Variants in DPYD observed in about 807,000 individuals in gnomAD.
DPYD encodes dihydropyrimidine dehydrogenase, also known as dihydropyrimidine dehydrogenase [NADP(+)].
In DPYD, 109 loss-of-function variants were observed where a neutral mutation model predicts 116.2. The ratio of observed to expected loss-of-function variants is 0.94; its 90% CI spans 0.80 to 1.10. The LOEUF is 1.10. Ranked by LOEUF, DPYD falls within the 50% of genes least tolerant of loss-of-function variation. The pLI is 0.00. For missense variants in DPYD, 1,302 were observed against 1,254.5 expected (o/e 1.04, Z -0.57); for synonymous variants, 440 against 432.0 (o/e 1.02, Z -0.23).
chr1:97,804,469 G>A (rs1667989966), intron 3 of DPYD, among the ~76,000 whole-genome samples: 1 of 151,672 alleles, frequency 6.6e-6, no homozygotes, highest in African/African-American at 2.4e-5. Context: ...ATTTCATTAA[G>A]AAAAATAAAT....
intron 12 of DPYD, among the ~76,000 whole-genome samples, chr1:97,540,372 CAAAACAAAACAA>C (rs993362994): frequency 1.3e-4 from 16 of 118,972 alleles, no homozygotes; most frequent in Non-Finnish European, 2.6e-4. Context: ...CAAAACAAAA[CAAAACAAAACAA>C]AACAAAACAA....
chr1:97,730,878 G>C (rs186837968), intron 4 of DPYD, among the ~76,000 whole-genome samples: 4 of 151,240 alleles, frequency 2.6e-5, no homozygotes, highest in African/African-American at 9.7e-5. Flanking sequence ...GTCATCATTA[G>C]AGTTGAAAAA....
intron 18 of DPYD, among the ~76,000 whole-genome samples, chr1:97,294,921 C>G (rs1257525091): frequency 6.6e-6 from 1 of 152,168 alleles, no homozygotes; most frequent in Non-Finnish European, 1.5e-5. Context: ...GAAGAGTACA[C>G]TGGCAGCTTT....
chr1:97,420,156 A>G (rs1286034865), intron 14 of DPYD: 1 of 152,208 alleles, frequency 6.6e-6, no homozygotes, highest in Non-Finnish European at 1.5e-5. Flanking sequence ...CAGGTACTTC[A>G]CAGTGACCCT....
chr1:97,551,203 G>A lies in DPYD; in HGVS notation c.1340-1459C>T, dbSNP rs527971107. On this transcript the variant is annotated intron_variant, in intron 11 of 22. Coordinates refer to ENST00000370192, the MANE Select transcript of DPYD (RefSeq NM_000110.4). ...TTGTTTTTTCGTCTTTCATTGAGAG[G>A]AAAATTAAATATTCATGTAATTATT... Among the ~76,000 whole-genome samples the A allele has an allele frequency of 5.3e-5, 8 of 152,184 alleles. No individual in the cohort carries two copies. The South Asian group carries it at 1.5e-3, about 28-fold the overall frequency.
chr1:97,519,491 T>C (rs902816077), intron 12 of DPYD, among the ~76,000 whole-genome samples: 1 of 152,114 alleles, frequency 6.6e-6, no homozygotes, highest in African/African-American at 2.4e-5. Flanking sequence ...AGTCAAACCA[T>C]ATCATCCTGA....
chr1:97,361,452 T>C (rs1485326569), intron 16 of DPYD, among the ~76,000 whole-genome samples: 1 of 152,216 alleles, frequency 6.6e-6, no homozygotes, highest in Non-Finnish European at 1.5e-5. Context: ...TAACTCATCT[T>C]ATGAGGCCAG....
intron 14 of DPYD, among the ~76,000 whole-genome samples, chr1:97,407,868 CACA>C (rs1673758011): frequency 6.6e-6 from 1 of 152,082 alleles, no homozygotes; most frequent in Admixed American, 6.6e-5. Context: ...AACCAGGAGA[CACA>C]ACAACGATTC....
chr1:97,801,157 T>C (rs556278122), intron 3 of DPYD, among the ~76,000 whole-genome samples: 58 of 141,650 alleles, frequency 4.1e-4, no homozygotes, highest in Non-Finnish European at 7.8e-4. Context: ...ATAGGATTAG[T>C]GTCCTTCTAA....
intron 3 of DPYD, among the ~76,000 whole-genome samples, chr1:97,822,318 A>C (rs765110496): frequency 6.7e-6 from 1 of 148,206 alleles, no homozygotes; most frequent in South Asian, 2.1e-4. Context: ...TATATTATAT[A>C]TCTGTATATA....
intron 19 of DPYD, among the ~76,000 whole-genome samples, chr1:97,219,075 A>G (rs1006173642): frequency 8.5e-5 from 13 of 152,222 alleles, no homozygotes; most frequent in African/African-American, 2.9e-4. Flanking sequence ...TAAAAAGGAG[A>G]GTGGCCATAA....
At chr1:97,521,816 C>G (rs1648689615) in intron 12 of DPYD, among the ~76,000 whole-genome samples, 1 of 152,110 alleles carries the variant, frequency 6.6e-6, no homozygotes, top group South Asian at 2.1e-4. Flanking sequence ...GGAAAGGATT[C>G]CCTATTTAAT....
intron 12 of DPYD, among the ~76,000 whole-genome samples, chr1:97,537,881 A>G (rs1200262920): frequency 6.6e-6 from 1 of 152,190 alleles, no homozygotes. Context: ...GACTAAAATC[A>G]CTTTTTAAAA....
chr1:97,565,040 C>G (rs1264913382), intron 11 of DPYD, among the ~76,000 whole-genome samples: 1 of 152,026 alleles, frequency 6.6e-6, no homozygotes, highest in Non-Finnish European at 1.5e-5. Flanking sequence ...ATATAATCCA[C>G]CCTGGTCAAA....
chr1:97,521,089 C>T (rs944444384), intron 12 of DPYD, among the ~76,000 whole-genome samples: 6 of 152,188 alleles, frequency 3.9e-5, no homozygotes, highest in Non-Finnish European at 7.3e-5. Context: ...TACACTCCCA[C>T]CAACAGTGTA....
chr1:97,285,187 C>T (rs1665585378), intron 18 of DPYD, among the ~76,000 whole-genome samples: 1 of 152,162 alleles, frequency 6.6e-6, no homozygotes, highest in South Asian at 2.1e-4. Flanking sequence ...AGTAAATAGA[C>T]AGGAAACTTG....
At chr1:97,485,283 C>T (rs1443831934) in intron 13 of DPYD, among the ~76,000 whole-genome samples, 2 of 152,170 alleles carry the variant, frequency 1.3e-5, no homozygotes, top group Admixed American at 6.5e-5. Context: ...CTCACTGCAA[C>T]CTCCACCTCC....
intron 3 of DPYD, among the ~76,000 whole-genome samples, chr1:97,789,948 A>T (rs1667228111): frequency 6.6e-6 from 1 of 152,140 alleles, no homozygotes. Flanking sequence ...AAAAACAAAA[A>T]ACGAAGCCCT....
At chr1:97,140,795 T>C (rs1246641466) in intron 20 of DPYD, among the ~76,000 whole-genome samples, 1 of 152,160 alleles carries the variant, frequency 6.6e-6, no homozygotes, top group Non-Finnish European at 1.5e-5. Flanking sequence ...GGTGTTCTAA[T>C]GTCTGGAAGT....
Sources: gnomAD v4.1 joint callset for allele counts (sites outside exome capture counted in the v4.1 genomes callset) on GRCh38, gnomAD v4.1.1 for gene constraint, MANE v1.5 for transcripts, NCBI Gene and HGNC (gene_info 2026-07-23, HGNC 2026-07-21) for gene names.